PPP6R3: variants seen among roughly 807,000 people sequenced by gnomAD.
The protein encoded by PPP6R3 is protein phosphatase 6 regulatory subunit 3, also known as serine/threonine-protein phosphatase 6 regulatory subunit 3.
In PPP6R3, 38 loss-of-function variants were observed where a neutral mutation model predicts 110.7. That is an observed-to-expected ratio of 0.34 (90% CI 0.26 to 0.45). The LOEUF (loss-of-function observed/expected upper bound fraction) is 0.45. Among genes scored for constraint, PPP6R3 ranks in the 20% least tolerant of loss-of-function variants. The pLI is 1.00. For synonymous variants in PPP6R3, 369 were observed against 373.5 expected, an observed-to-expected ratio of 0.99 and a Z score of 0.14; for missense variants, 870 against 1,062.4, an observed-to-expected ratio of 0.82 and a Z score of 2.52.
chr11:68,495,066 T>C (rs1397062380), intron 1 of PPP6R3, among the ~76,000 whole-genome samples: 1 of 152,174 alleles, frequency 6.6e-6, no homozygotes, highest in Non-Finnish European at 1.5e-5. Flanking sequence ...AAAGTTTACT[T>C]TTCATAATTT....
At chr11:68,538,486 C>T (rs2099283846) in intron 3 of PPP6R3, among the ~76,000 whole-genome samples, 1 of 152,220 alleles carries the variant, frequency 6.6e-6, no homozygotes, top group Non-Finnish European at 1.5e-5. Context: ...TTAATTATTT[C>T]TCCATATCCA....
At chr11:68,594,834 A>T (rs547483769) in intron 18 of PPP6R3, among the ~76,000 whole-genome samples, 7 of 152,354 alleles carry the variant, frequency 4.6e-5, no homozygotes, top group East Asian at 1.9e-4. Context: ...TTAAAATTCA[A>T]TAGTTAAAAC....
intron 1 of PPP6R3, among the ~76,000 whole-genome samples, chr11:68,498,786 GT>G (rs2153471481): frequency 6.6e-6 from 1 of 152,316 alleles, no homozygotes; most frequent in African/African-American, 2.4e-5. Context: ...TGAACATTCA[GT>G]TTGTATCTTT....
intron 1 of PPP6R3, among the ~76,000 whole-genome samples, chr11:68,507,245 CA>C (rs1158951649): frequency 0.06 from 7,250 of 121,476 alleles, 208 homozygotes; most frequent in Middle Eastern, 0.14. Flanking sequence ...AGTCTTTTTG[CA>C]TTTTTTTTTT....
chr11:68,506,733 C>T (rs2099080246), intron 1 of PPP6R3, among the ~76,000 whole-genome samples: 1 of 152,206 alleles, frequency 6.6e-6, no homozygotes, highest in Non-Finnish European at 1.5e-5. Context: ...CTTCCCCATT[C>T]CTCTCACCTT....
At chr11:68,580,746 C>CTTTTTTTTTTTTTTTT (rs71043441) in intron 14 of PPP6R3, among the ~76,000 whole-genome samples, 3 of 67,476 alleles carry the variant, frequency 4.4e-5, no homozygotes, top group Non-Finnish European at 8.5e-5. Flanking sequence ...GGTAAATAAT[C>CTTTTTTTTTTTTTTTT]TTTTTTTTTT....
chr11:68,576,439 T>C (rs887799552), intron 14 of PPP6R3, among the ~76,000 whole-genome samples: 1 of 152,208 alleles, frequency 6.6e-6, no homozygotes, highest in African/African-American at 2.4e-5. Context: ...TTTTCTGATA[T>C]TATTGAGTTG....
At chr11:68,601,426 A>G (rs1263575110) in intron 20 of PPP6R3, among the ~76,000 whole-genome samples, 5 of 152,214 alleles carry the variant, frequency 3.3e-5, no homozygotes, top group Non-Finnish European at 7.3e-5. Context: ...TCCAACAACA[A>G]ATATCATTAA....
rs693747 is a variant in PPP6R3, at chr11:68,507,234, T to A, written c.-157-12267T>A. ...TTTGGGTGTTTTGTACTTTTCACAG[T>A]AGTCTTTTTGCATTTTTTTTTTTTT... On this transcript the variant is annotated intron_variant, in intron 1 of 23. Transcript: ENST00000393800. Among the ~76,000 whole-genome samples, 213 of 148,724 alleles carry A rather than the reference T, an allele frequency of 1.4e-3. 1 individual carries two copies. The highest frequency in any genetic ancestry group is 5.0e-3 in the African/African-American group (200 of 39,894).
chr11:68,577,399 C>T (rs2099536041), intron 14 of PPP6R3, among the ~76,000 whole-genome samples: 1 of 152,128 alleles, frequency 6.6e-6, no homozygotes, highest in African/African-American at 2.4e-5. Context: ...GCAATATAGT[C>T]TCTTTTAAGG....
At chr11:68,484,562 C>CTA (rs1392239340) in intron 1 of PPP6R3, among the ~76,000 whole-genome samples, 1 of 150,812 alleles carries the variant, frequency 6.6e-6, no homozygotes, top group African/African-American at 2.4e-5. Context: ...TTTTAAGTGT[C>CTA]TATATATATT....
chr11:68,569,596 G>T (rs1269798553), intron 10 of PPP6R3, 152 bp from the exon 11 acceptor site: 2 of 596,316 alleles, frequency 3.4e-6, no homozygotes, highest in Non-Finnish European at 5.6e-6. Context: ...GGTTATGCAA[G>T]TACTAATGTG....
At chr11:68,469,935 C>T (rs1271024692) in intron 1 of PPP6R3, among the ~76,000 whole-genome samples, 1 of 152,122 alleles carries the variant, frequency 6.6e-6, no homozygotes. Flanking sequence ...ATAAATGTAT[C>T]CTTATATAAT....
chr11:68,559,573 A>T (rs2099411404), intron 8 of PPP6R3, among the ~76,000 whole-genome samples: 1 of 152,178 alleles, frequency 6.6e-6, no homozygotes, highest in African/African-American at 2.4e-5. Context: ...AGTGAAGATA[A>T]CCTTACCAAC....
At chr11:68,466,766 C>T (rs1372428585) in intron 1 of PPP6R3, among the ~76,000 whole-genome samples, 1 of 152,244 alleles carries the variant, frequency 6.6e-6, no homozygotes, top group Non-Finnish European at 1.5e-5. Context: ...GTGCCTGCCA[C>T]CACGCCCGGC....
In PPP6R3 at chr11:68,587,948, C is replaced by A; in HGVS notation, c.1654C>A (p.Gln552Lys). 2.5e-6 allele frequency: 4 copies of A among 1,614,166 alleles called. No homozygotes were observed. Among genetic ancestry groups the A allele is most frequent in the Non-Finnish European group, 3.4e-6 (4 of 1,180,008 alleles). ...LQQAFSDYQM[Q>K]QMTSNFIDQF... The stretch of plus-strand genomic sequence containing the variant: ...CCAGGCCTTTTCTGATTATCAGATG[C>A]AACAAATGACGTCCAATTTTATTGA... The change falls in exon 16 of 24, where the codon CAA becomes AAA. Residue 552 changes from glutamine to lysine, a missense_variant. Coordinates refer to ENST00000393800, the MANE Select transcript of PPP6R3 (RefSeq NM_001164161.2).
At chr11:68,470,043 G>A (rs2098779109) in intron 1 of PPP6R3, among the ~76,000 whole-genome samples, 1 of 152,142 alleles carries the variant, frequency 6.6e-6, no homozygotes, top group South Asian at 2.1e-4. Context: ...CTTTTATTCA[G>A]ATGTTTGAGT....
At chr11:68,569,932 C>G in intron 11 of PPP6R3, 35 bp downstream of exon 11, 3 of 1,572,618 alleles carry the variant, frequency 1.9e-6, no homozygotes, top group Non-Finnish European at 2.6e-6. Context: ...CTCCCACTCT[C>G]TCCTGGTTAT....
At chr11:68,563,178 A>T (rs2099433408) in intron 8 of PPP6R3, among the ~76,000 whole-genome samples, 1 of 151,824 alleles carries the variant, frequency 6.6e-6, no homozygotes, top group African/African-American at 2.4e-5. Context: ...AGGGAGGAGG[A>T]TCACTTGAGC....
Sources: gnomAD v4.1 joint callset for allele counts (sites outside exome capture counted in the v4.1 genomes callset) on GRCh38, gnomAD v4.1.1 for gene constraint, MANE v1.5 for transcripts, NCBI Gene and HGNC (gene_info 2026-07-23, HGNC 2026-07-21) for gene names.